SEL1L3: variants seen among roughly 807,000 people sequenced by gnomAD.
SEL1L3 encodes SEL1L family member 3, also known as protein sel-1 homolog 3.
Under a neutral mutation model 142.8 loss-of-function variants are expected in SEL1L3, and 76 were observed. That is an observed-to-expected ratio of 0.53 (90% CI 0.44 to 0.64). SEL1L3 has a LOEUF of 0.64. SEL1L3 is among the 30% of genes least tolerant of loss of function. SEL1L3 has a pLI of 0.00. For missense variants in SEL1L3, 1,262 were observed against 1,381.7 expected (o/e 0.91, Z 1.37); for synonymous variants, 504 against 519.6 (o/e 0.97, Z 0.41).
chr4:25,729,912 T>C, the SEL1L3 span, among the ~76,000 whole-genome samples: 1 of 150,984 alleles, frequency 6.6e-6, no homozygotes. Context: ...TTGACATCTT[T>C]CTTCTTCTTC....
chr4:25,850,004 T>A (rs1365430836), intron 1 of SEL1L3, among the ~76,000 whole-genome samples: 2 of 152,120 alleles, frequency 1.3e-5, no homozygotes, highest in Non-Finnish European at 2.9e-5. Flanking sequence ...GAAAAGAAGT[T>A]CTTCACGTAG....
At chr4:25,826,124 G>A (rs543457120) in intron 6 of SEL1L3, among the ~76,000 whole-genome samples, 1 of 152,310 alleles carries the variant, frequency 6.6e-6, no homozygotes, top group South Asian at 2.1e-4. Flanking sequence ...TGAAGGCAGA[G>A]TCTGTATTCT....
chr4:25,757,431 G>T, intron 23 of SEL1L3, 103 bp downstream of exon 23: 1 of 881,456 alleles, frequency 1.1e-6, no homozygotes, highest in Non-Finnish European at 1.7e-6. Context: ...AGCACCAGGA[G>T]GGAAAACACA....
chr4:25,794,271 C>T lies in SEL1L3; in HGVS notation c.1957-3697G>A, dbSNP rs549366909. On this transcript the variant is annotated intron_variant, in intron 11 of 23. Transcript: ENST00000399878. ...ATGGGAAAACATTTTTGCAACTTAC[C>T]CATCTGACAAAAGTCTAATATCCAG... 4.6e-5 allele frequency among the ~76,000 whole-genome samples: 7 copies of T among 152,194 alleles called. No homozygotes were observed. In the South Asian group the frequency reaches 1.0e-3, roughly 23 times the overall value.
At position 25,768,830 on chromosome 4, in the gene SEL1L3, T is replaced by C. The variant is rs150081796; in HGVS notation, c.2670-1000A>G. Among the ~76,000 whole-genome samples the C allele has an allele frequency of 2.1e-3, 314 of 151,402 alleles. 1 individual carries two copies. The highest frequency in any genetic ancestry group is 7.0e-3 in the African/African-American group (288 of 41,196). On this transcript the variant is annotated intron_variant, in intron 17 of 23. Coordinates refer to ENST00000399878, the MANE Select transcript of SEL1L3 (RefSeq NM_015187.5). ...ATTCAGTGAAAAAAAAAGCAGAGTA[T>C]AAAACAATGCATCTTATTTTTGCAA... is the stretch of plus-strand genomic sequence containing the variant.
At chr4:25,825,963 C>T (rs943641277) in intron 6 of SEL1L3, among the ~76,000 whole-genome samples, 5 of 152,086 alleles carry the variant, frequency 3.3e-5, no homozygotes, top group Admixed American at 6.6e-5. Flanking sequence ...TAAGCCACCA[C>T]GCCCGGCCGG....
the SEL1L3 span, among the ~76,000 whole-genome samples, chr4:25,715,419 A>C: frequency 1.3e-5 from 2 of 152,218 alleles, no homozygotes; most frequent in Non-Finnish European, 2.9e-5. Context: ...AAAATCCAGA[A>C]GTCTGACTTA....
intron 11 of SEL1L3, among the ~76,000 whole-genome samples, chr4:25,792,292 G>GGTGAA (rs1459500461): frequency 6.6e-6 from 1 of 152,192 alleles, no homozygotes; most frequent in Non-Finnish European, 1.5e-5. Context: ...AGGCTCAGAG[G>GGTGAA]GTGAAACCAT....
chr4:25,834,351 A>T (rs925758223), intron 3 of SEL1L3, among the ~76,000 whole-genome samples: 5 of 152,260 alleles, frequency 3.3e-5, no homozygotes, highest in African/African-American at 1.2e-4. Flanking sequence ...CCAGTAGTTC[A>T]AAGATGAGGA....
chr4:25,840,944 C>T (rs1173333407), intron 2 of SEL1L3, among the ~76,000 whole-genome samples: 8 of 152,104 alleles, frequency 5.3e-5, no homozygotes, highest in South Asian at 2.1e-4. Context: ...TTTCCCAATC[C>T]GGAATTTTCT....
In SEL1L3 at chr4:25,748,115, G is replaced by A. The variant is rs1560270001; in HGVS notation, c.*310C>T. The A allele has an allele frequency of 3.2e-6, 1 of 308,862 alleles. No homozygotes were observed. The allele number at this position is 308,862 out of a possible 1,614,324, so 19.1% of individuals were successfully genotyped here. A position where few individuals can be genotyped will look rare whatever the true frequency, so the allele number is the denominator to read the frequency against. ...TAGTGTATAAGAATCCAGATCTGCCGTAGGGCATGCTATGACTCCTAATAC... is the reference window on the plus strand; with the variant it reads ...TAGTGTATAAGAATCCAGATCTGCCATAGGGCATGCTATGACTCCTAATAC... On this transcript the variant is annotated 3_prime_UTR_variant, in exon 24 of 24. Transcript: ENST00000399878.
chr4:25,775,000 A>T (rs1719509868), intron 17 of SEL1L3, among the ~76,000 whole-genome samples: 1 of 152,012 alleles, frequency 6.6e-6, no homozygotes, highest in African/African-American at 2.4e-5. Context: ...AAAAATAAAC[A>T]CTCCGATATC....
chr4:25,825,265 C>T (rs1028243977), intron 6 of SEL1L3, among the ~76,000 whole-genome samples: 2 of 152,050 alleles, frequency 1.3e-5, no homozygotes, highest in Non-Finnish European at 2.9e-5. Context: ...ACATTGATGT[C>T]TTCATATTTT....
chr4:25,808,283 C>A (rs192557165), intron 9 of SEL1L3, among the ~76,000 whole-genome samples: 1 of 152,140 alleles, frequency 6.6e-6, no homozygotes, highest in East Asian at 1.9e-4. Context: ...TTTCTTTCAG[C>A]GCCCAAAGCT....
At chr4:25,746,206 T>G (rs985976640), downstream of SEL1L3, among the ~76,000 whole-genome samples, 1 of 151,718 alleles carries the variant, frequency 6.6e-6, no homozygotes. Flanking sequence ...GCAAAAAATA[T>G]AAAAAATAAA....
At chr4:25,773,098 G>C (rs921815754) in intron 17 of SEL1L3, among the ~76,000 whole-genome samples, 5 of 152,070 alleles carry the variant, frequency 3.3e-5, no homozygotes, top group African/African-American at 1.2e-4. Flanking sequence ...CGCCCAGCAA[G>C]ATGTGTGAAT....
intron 20 of SEL1L3, among the ~76,000 whole-genome samples, chr4:25,761,515 G>A (rs1243497751): frequency 6.6e-6 from 1 of 152,062 alleles, no homozygotes; most frequent in Non-Finnish European, 1.5e-5. Context: ...AAAATAAGTG[G>A]GAAAATAGAG....
At chr4:25,815,619 GA>G (rs537895392) in intron 9 of SEL1L3, among the ~76,000 whole-genome samples, 154 of 152,228 alleles carry the variant, frequency 1.0e-3, no homozygotes, top group African/African-American at 3.4e-3. Context: ...TTTTGGTGTG[GA>G]TGTGGTCTTA....
intron 17 of SEL1L3, among the ~76,000 whole-genome samples, chr4:25,775,657 G>T (rs1051172691): frequency 6.6e-6 from 1 of 152,138 alleles, no homozygotes. Context: ...AAATCTATGA[G>T]TAACAGCAAA....
Sources: allele counts gnomAD v4.1 joint callset (sites outside exome capture counted in the v4.1 genomes callset), GRCh38; gene constraint gnomAD v4.1.1; transcripts MANE v1.5; gene names NCBI Gene and HGNC (gene_info 2026-07-23, HGNC 2026-07-21).